LETM2: variants seen among roughly 807,000 people sequenced by gnomAD.
LETM2 encodes the protein leucine zipper and EF-hand containing transmembrane protein 2.
In LETM2, 58 loss-of-function variants were observed where a neutral mutation model predicts 59.6. That is an observed-to-expected ratio of 0.97 (90% CI 0.79 to 1.21). The LOEUF (loss-of-function observed/expected upper bound fraction) is 1.21. LETM2 is among the 50% of genes most tolerant of loss of function. The pLI is 0.00. For missense variants in LETM2, 572 were observed against 575.7 expected (o/e 0.99, Z 0.07); for synonymous variants, 199 against 214.1 (o/e 0.93, Z 0.62).
chr8:38,404,063 C>T (rs766637438), intron 7 of LETM2, among the ~76,000 whole-genome samples: 2 of 152,166 alleles, frequency 1.3e-5, no homozygotes, highest in Admixed American at 6.5e-5. Context: ...CCCTGTGTTG[C>T]CCAGGCTGTG....
At chr8:38,387,649 A>G (rs1429777082) in intron 1 of LETM2, among the ~76,000 whole-genome samples, 1 of 152,120 alleles carries the variant, frequency 6.6e-6, no homozygotes, top group Non-Finnish European at 1.5e-5. Flanking sequence ...GTACTTGGCA[A>G]TCATTGAAGT....
At chr8:38,388,884 G>T (rs1024955202) in intron 2 of LETM2, among the ~76,000 whole-genome samples, 1 of 151,876 alleles carries the variant, frequency 6.6e-6, no homozygotes, top group African/African-American at 2.4e-5. Flanking sequence ...TCCTGCCTCA[G>T]CCTCACAAGT....
intron 4 of LETM2, chr8:38,397,195 G>A: frequency 8.3e-6 from 3 of 361,666 alleles, no homozygotes; most frequent in South Asian, 5.6e-5. Context: ...TTTTTTTTTT[G>A]AGACGGAGTC....
chr8:38,406,397 C>G (rs1206830611), intron 8 of LETM2: 1 of 152,226 alleles, frequency 6.6e-6, no homozygotes, highest in Non-Finnish European at 1.5e-5. Context: ...GTCAGGAGTT[C>G]AAGACCAGCT....
At chr8:38,400,670 C>G (rs988069629) in intron 5 of LETM2, 183 bp from the exon 6 acceptor site, 2 of 676,008 alleles carry the variant, frequency 3.0e-6, no homozygotes, top group Non-Finnish European at 4.9e-6. Flanking sequence ...CTTCCAAACT[C>G]CTGATTTTTC....
rs1271752250 is a variant in LETM2 at position 38,404,440 on chromosome 8, C to G, written c.1152C>G (p.Leu384=). The change falls in exon 8 of 11, where the codon CTC becomes CTG. Residue 384 remains leucine, a synonymous_variant. Coordinates refer to ENST00000379957, the MANE Select transcript of LETM2 (RefSeq NM_001286819.2). ...AGAACGTCCCTCCTTCCCTTTTGCTCCTGTCCCGCACCTTCTACCTGATAG... is the reference window on the plus strand; with the variant it reads ...AGAACGTCCCTCCTTCCCTTTTGCTGCTGTCCCGCACCTTCTACCTGATAG... ...LKENVPPSLL[L]LSRTFYLIDV... 1.3e-5 allele frequency: 21 copies of G among 1,614,122 alleles called. No individual in the cohort carries two copies. The highest frequency in any genetic ancestry group is 2.2e-5 in the East Asian group (1 of 44,874).
chr8:38,406,201 G>A (rs555083727), intron 8 of LETM2, among the ~76,000 whole-genome samples: 6 of 152,188 alleles, frequency 3.9e-5, no homozygotes, highest in African/African-American at 1.4e-4. Flanking sequence ...TCTTCCTTGC[G>A]TTATAGGAGC....
In LETM2 at chr8:38,408,557, A is replaced by T; in HGVS notation, c.*283A>T. The T allele has an allele frequency of 3.3e-6, 1 of 306,454 alleles. No individual in the cohort carries two copies. Among genetic ancestry groups the T allele is most frequent in the Non-Finnish European group, 6.2e-6 (1 of 161,722 alleles). The allele number at this position is 306,454 out of a possible 1,614,324, so 19.0% of individuals were successfully genotyped here. A position where few individuals can be genotyped will look rare whatever the true frequency, so the allele number is the denominator to read the frequency against. On this transcript the variant is annotated 3_prime_UTR_variant, in exon 11 of 11. Transcript: ENST00000379957. ...CCACCCCCCATCATGTTGTTTTTTT[A>T]GTTTCATGTGTACGTCCCTTCAGAG...
intron 4 of LETM2, among the ~76,000 whole-genome samples, chr8:38,398,720 C>CTTTTTT (rs869232263): frequency 2.6e-5 from 3 of 115,822 alleles, no homozygotes; most frequent in Non-Finnish European, 3.6e-5. Context: ...TAAGTGGGTT[C>CTTTTTT]TTTTTTTTTT....
rs929463106 is a variant in LETM2 at position 38,386,553 on chromosome 8, G to A, written c.-50G>A. On this transcript the variant is annotated 5_prime_UTR_variant, in exon 1 of 11. Transcript: ENST00000379957. ...GGAGGACCTAGGCGGCCGTTCCGCG[G>A]AGCCCGGCCGAGGAGGTAGGGGTGG... 2 of 152,270 alleles carry A rather than the reference G, an allele frequency of 1.3e-5. No homozygotes were observed. Among genetic ancestry groups the A allele is most frequent in the Non-Finnish European group, 2.9e-5 (2 of 68,086 alleles). The allele number at this position is 152,270 out of a possible 1,614,324, so 9.4% of individuals were successfully genotyped here.
intron 4 of LETM2, among the ~76,000 whole-genome samples, chr8:38,397,391 A>T (rs908738750): frequency 6.6e-6 from 1 of 152,236 alleles, no homozygotes; most frequent in African/African-American, 2.4e-5. Flanking sequence ...TTTTTCACAG[A>T]AAAGGTAACT....
rs1812511339 is a variant in LETM2, at chr8:38,394,222, T to C, written c.626T>C (p.Phe209Ser). 1 of 1,487,664 alleles carries C rather than the reference T, an allele frequency of 6.7e-7. No homozygotes were observed. The highest frequency in any genetic ancestry group is 2.6e-5 in the Admixed American group (1 of 39,104). The allele number at this position is 1,487,664 out of a possible 1,614,324, so 92.2% of individuals were successfully genotyped here. Residue 209 changes from phenylalanine (F) to serine (S), a missense_variant, in exon 4 of 11, where the codon TTT (phenylalanine) becomes TCT (serine). Transcript: ENST00000379957. ...KLFPEMLPST[F>S]ESESKKEEKQ... is the part of the protein sequence containing the mutation. The stretch of plus-strand genomic sequence containing the variant: ...TTCCCAGAGATGTTGCCATCAACTT[T>C]TGAAAGTGAATCCAAAAAGGTATGA...
Position 38,400,850 on chromosome 8 carries a change from T to G in LETM2, c.784-3T>G, listed in dbSNP as rs771682738. The G allele has an allele frequency of 2.5e-6, 4 of 1,612,682 alleles. No homozygotes were observed. The highest frequency in any genetic ancestry group is 3.3e-4 in the Middle Eastern group (2 of 6,080). Reference sequence around the variant, plus strand: ...TAATTGGCCTTTTTGTCCCACTGCATAGGTCCAGACAGGCCACAAGCCCAG... The same window carrying G: ...TAATTGGCCTTTTTGTCCCACTGCAGAGGTCCAGACAGGCCACAAGCCCAG... On this transcript the variant is annotated splice_polypyrimidine_tract_variant and splice_region_variant and intron_variant, in intron 5 of 10. Coordinates refer to ENST00000379957, the MANE Select transcript of LETM2 (RefSeq NM_001286819.2).
At chr8:38,382,868 G>GC (rs1484255534), upstream of LETM2, 18 of 152,238 alleles carry the variant, frequency 1.2e-4, no homozygotes, top group Non-Finnish European at 2.6e-4. This position sits in a 1 kb window ranked among gnomAD's most constrained non-coding sequence, Gnocchi z 4.2. Flanking sequence ...CTCAGCCCCG[G>GC]CTGAGCTGTC....
At chr8:38,393,239 G>T in intron 3 of LETM2, 2 of 437,378 alleles carry the variant, frequency 4.6e-6, no homozygotes, top group Non-Finnish European at 8.1e-6. Context: ...TAGGTTCAGG[G>T]GTACATGTGC....
chr8:38,393,762 A>C (rs1448434384), intron 3 of LETM2: 1 of 213,616 alleles, frequency 4.7e-6, no homozygotes. Flanking sequence ...ATTTCCTTCA[A>C]GATAGCCCCT....
chr8:38,407,556 A>T, intron 10 of LETM2, 93 bp downstream of exon 10: 1 of 828,324 alleles, frequency 1.2e-6, no homozygotes, highest in Non-Finnish European at 2.0e-6. Context: ...GTCCTGTTGC[A>T]AAACACTGCA....
chr8:38,408,172 TCTGTGAC>T, intron 10 of LETM2, 33 bp from the exon 11 acceptor site: 1 of 1,551,644 alleles, frequency 6.4e-7, no homozygotes, highest in Non-Finnish European at 8.9e-7. Flanking sequence ...AACTTACACG[TCTGTGAC>T]TAATGCCTAC....
In LETM2 at chr8:38,400,411, T is replaced by C. The variant is rs754408976; in HGVS notation, c.783+2T>C. ...CAGCTCTCATCCTACGTGAAGCAGGTGTCCATCTTTTATGTAATGCCGAAC... is the reference window on the plus strand; with the variant it reads ...CAGCTCTCATCCTACGTGAAGCAGGCGTCCATCTTTTATGTAATGCCGAAC... On this transcript the variant is annotated splice_donor_variant, in intron 5 of 10. Transcript: ENST00000379957. LOFTEE classifies it high-confidence loss of function. 5 of 1,565,728 alleles carry C rather than the reference T, an allele frequency of 3.2e-6. No homozygotes were observed. The highest frequency in any genetic ancestry group is 4.3e-6 in the Non-Finnish European group (5 of 1,159,222).
Sources: gnomAD v4.1 joint callset for allele counts (sites outside exome capture counted in the v4.1 genomes callset) on GRCh38, gnomAD v4.1.1 for gene constraint, Gnocchi (gnomAD v3.1) non-coding constraint, MANE v1.5 for transcripts, NCBI Gene and HGNC (gene_info 2026-07-23, HGNC 2026-07-21) for gene names.